Variants in DTWD2 observed in about 807,000 individuals in gnomAD.
DTWD2 encodes tRNA-uridine aminocarboxypropyltransferase 2.
DTWD2 carries 39 observed loss-of-function variants against 31.8 expected under a neutral mutation model. The ratio of observed to expected loss-of-function variants is 1.22; its 90% confidence interval spans 0.95 to 1.60. DTWD2 has a LOEUF of 1.60. Among genes scored for constraint, DTWD2 ranks in the 40% most tolerant of loss-of-function variants. The pLI is 0.00. For missense variants in DTWD2, 515 were observed against 381.5 expected (o/e 1.35, Z -2.92); for synonymous variants, 180 against 142.8 (o/e 1.26, Z -1.86).
At chr5:118,980,552 CAT>C (rs1363479805) in intron 1 of DTWD2, among the ~76,000 whole-genome samples, 5 of 152,300 alleles carry the variant, frequency 3.3e-5, no homozygotes, top group Admixed American at 1.3e-4. Flanking sequence ...CCAAAAAGCA[CAT>C]GAGAAGATGT....
chr5:118,979,124 G>A (rs962303699), intron 1 of DTWD2, among the ~76,000 whole-genome samples: 16 of 151,976 alleles, frequency 1.1e-4, no homozygotes, highest in African/African-American at 3.9e-4. Flanking sequence ...CTAACATGGT[G>A]AAACCCCATC....
chr5:118,936,922 A>G (rs1754058524), intron 3 of DTWD2, among the ~76,000 whole-genome samples: 1 of 152,176 alleles, frequency 6.6e-6, no homozygotes, highest in African/African-American at 2.4e-5. Context: ...TTCTACAGAC[A>G]TGAAAATAAC....
intron 4 of DTWD2, among the ~76,000 whole-genome samples, chr5:118,876,522 T>C (rs1752625345): frequency 6.6e-6 from 1 of 151,794 alleles, no homozygotes; most frequent in Non-Finnish European, 1.5e-5. Flanking sequence ...ATGATTCAAA[T>C]AAATACAATC....
chr5:118,983,556 C>T (rs540292896), intron 1 of DTWD2, among the ~76,000 whole-genome samples: 2 of 151,956 alleles, frequency 1.3e-5, no homozygotes, highest in African/African-American at 4.8e-5. Context: ...ATCACTTTTT[C>T]CTCCAGAATA....
intron 4 of DTWD2, among the ~76,000 whole-genome samples, chr5:118,863,207 C>T (rs1752306600): frequency 6.6e-6 from 1 of 152,102 alleles, no homozygotes; most frequent in South Asian, 2.1e-4. Context: ...CTTTGTATTC[C>T]CCTAAATGTT....
intron 4 of DTWD2, among the ~76,000 whole-genome samples, chr5:118,921,864 C>T (rs772349858): frequency 6.6e-6 from 1 of 152,114 alleles, no homozygotes; most frequent in Non-Finnish European, 1.5e-5. Flanking sequence ...ACGTGTTTGG[C>T]AATAGATCAG....
chr5:118,945,580 T>C (rs1437505471), intron 1 of DTWD2, among the ~76,000 whole-genome samples: 1 of 151,900 alleles, frequency 6.6e-6, no homozygotes, highest in African/African-American at 2.4e-5. Context: ...GCCTGGCCAA[T>C]GTGGTGAAAC....
intron 4 of DTWD2, among the ~76,000 whole-genome samples, chr5:118,916,731 T>A (rs1182447311): frequency 6.6e-6 from 1 of 151,536 alleles, no homozygotes; most frequent in South Asian, 2.1e-4. Flanking sequence ...ATAGAAATGA[T>A]TTTGCCTTTC....
intron 1 of DTWD2, among the ~76,000 whole-genome samples, chr5:118,949,097 C>A (rs149195600): frequency 8.6e-5 from 13 of 150,882 alleles, no homozygotes; most frequent in Non-Finnish European, 1.9e-4. Flanking sequence ...CTTTTGAGAA[C>A]AGATGTTGGA....
chr5:118,971,022 C>T (rs1284886360), intron 1 of DTWD2, among the ~76,000 whole-genome samples: 1 of 152,194 alleles, frequency 6.6e-6, no homozygotes, highest in Non-Finnish European at 1.5e-5. Flanking sequence ...TTACCAGTCA[C>T]TACATAAATC....
At chr5:118,866,941 A>C (rs1752394145) in intron 4 of DTWD2, among the ~76,000 whole-genome samples, 1 of 152,148 alleles carries the variant, frequency 6.6e-6, no homozygotes, top group Non-Finnish European at 1.5e-5. Flanking sequence ...AAATAAAAAA[A>C]TAAACTACAA....
chr5:118,879,778 A>AACAACAC lies in DTWD2; in HGVS notation c.598-31567_598-31561dup, dbSNP rs901263683. ...GAGAACACAGGAATACATAGAGGGA[A>AACAACAC]ACAACACACATTGGGGCCTACTGGA... On this transcript the variant is annotated intron_variant, in intron 4 of 5. Coordinates refer to ENST00000510708, the MANE Select transcript of DTWD2 (RefSeq NM_173666.4). Among the ~76,000 whole-genome samples the AACAACAC allele has an allele frequency of 1.1e-4, 17 of 152,230 alleles. 1 individual carries two copies. The highest frequency in any genetic ancestry group is 3.4e-3 in the Middle Eastern group (1 of 294).
chr5:118,881,498 T>C (rs1479392367), intron 4 of DTWD2, among the ~76,000 whole-genome samples: 1 of 152,224 alleles, frequency 6.6e-6, no homozygotes, highest in Non-Finnish European at 1.5e-5. Context: ...TCAATATTTC[T>C]TTTAATAAAG....
chr5:118,935,037 G>A (rs1754006703), intron 3 of DTWD2, among the ~76,000 whole-genome samples: 1 of 152,096 alleles, frequency 6.6e-6, no homozygotes, highest in Non-Finnish European at 1.5e-5. Flanking sequence ...AAGACTAAGG[G>A]GAAGGAGAGA....
At chr5:118,906,994 AG>A (rs747918271) in intron 4 of DTWD2, among the ~76,000 whole-genome samples, 4 of 152,228 alleles carry the variant, frequency 2.6e-5, no homozygotes, top group Non-Finnish European at 5.9e-5. Context: ...GGCTTTCCAA[AG>A]GCAAAGAAAA....
rs1419823750 is a variant in DTWD2 at position 118,837,444 on chromosome 5, A to G, written c.*3473T>C. ...TTTACTAAGTCAGATCTAATTTTTTACTTGTAGCATCAATAAAATTTACTT... is the reference window on the plus strand; with the variant it reads ...TTTACTAAGTCAGATCTAATTTTTTGCTTGTAGCATCAATAAAATTTACTT... On this transcript the variant is annotated 3_prime_UTR_variant, in exon 6 of 6. Coordinates refer to ENST00000510708, the MANE Select transcript of DTWD2 (RefSeq NM_173666.4). 1 of 152,224 alleles carries G rather than the reference A, an allele frequency of 6.6e-6. No individual in the cohort carries two copies. The highest frequency in any genetic ancestry group is 2.4e-5 in the African/African-American group (1 of 41,456). 9.4% of individuals were successfully genotyped at this position (152,224 alleles called of 1,614,324 possible).
chr5:118,932,184 C>A (rs546869496), intron 3 of DTWD2, among the ~76,000 whole-genome samples: 11 of 151,692 alleles, frequency 7.3e-5, no homozygotes, highest in Admixed American at 3.9e-4. Flanking sequence ...ACAACAAAAA[C>A]AACAACAACA....
chr5:118,911,900 G>A (rs1003924380), intron 4 of DTWD2, among the ~76,000 whole-genome samples: 15 of 152,176 alleles, frequency 9.9e-5, no homozygotes, highest in Non-Finnish European at 2.2e-4. Flanking sequence ...GCATATGTGT[G>A]GGTGTGCATT....
At chr5:118,971,909 G>T (rs1424439157) in intron 1 of DTWD2, among the ~76,000 whole-genome samples, 3 of 152,152 alleles carry the variant, frequency 2.0e-5, no homozygotes, top group Non-Finnish European at 4.4e-5. Flanking sequence ...ACATCAAGAA[G>T]TTCTTTAAAA....
Sources: allele counts gnomAD v4.1 joint callset (sites outside exome capture counted in the v4.1 genomes callset), GRCh38; gene constraint gnomAD v4.1.1; transcripts MANE v1.5; gene names NCBI Gene and HGNC (gene_info 2026-07-23, HGNC 2026-07-21).